Variants in ZNF622 observed in about 807,000 individuals in gnomAD.
ZNF622 encodes cytoplasmic 60S subunit biogenesis factor ZNF622.
ZNF622 carries 34 observed loss-of-function variants against 49.7 expected under a neutral mutation model. The ratio of observed to expected loss-of-function variants is 0.68; its 90% CI spans 0.52 to 0.91. The LOEUF is 0.91. Ranked by LOEUF, ZNF622 falls within the 40% of genes least tolerant of loss-of-function variation. ZNF622 has a pLI of 0.00. For missense variants in ZNF622, 569 were observed against 616.4 expected, an observed-to-expected ratio of 0.92 and a Z score of 0.81; for synonymous variants, 209 against 228.7, an observed-to-expected ratio of 0.91 and a Z score of 0.78.
intron 5 of ZNF622, among the ~76,000 whole-genome samples, chr5:16,452,017 T>C (rs1200330497): frequency 1.3e-5 from 2 of 152,178 alleles, no homozygotes; most frequent in African/African-American, 4.8e-5. Flanking sequence ...TTAGTAGCTT[T>C]AGTTTTCATC....
In ZNF622 at chr5:16,463,865, G is replaced by A. The variant is rs1738165879; in HGVS notation, c.626-123C>T. The A allele has an allele frequency of 1.0e-6, 1 of 1,000,676 alleles. No homozygotes were observed. Among genetic ancestry groups the A allele is most frequent in the Non-Finnish European group, 1.5e-6 (1 of 676,220 alleles). 62.0% of individuals were successfully genotyped at this position (1,000,676 alleles called of 1,614,324 possible). ...AAACAGCCACACCCCAACTCCCAAG[G>A]ACAACTCCTCTTTCAAGATCTCAAT... On this transcript the variant is annotated intron_variant, in intron 1 of 5. Transcript: ENST00000308683. The surrounding 1 kb of genome is among the most constrained non-coding windows in gnomAD (Gnocchi z 4.2).
chr5:16,465,220 G>C lies in ZNF622; in HGVS notation c.446C>G (p.Pro149Arg). ...ATTCCTGGCCTCCTTTGCAGGCGCTGGGGGCGCCTTCTTGGGAGACATGGA... is the reference window on the plus strand; with the variant it reads ...ATTCCTGGCCTCCTTTGCAGGCGCTCGGGGCGCCTTCTTGGGAGACATGGA... ...QPSMSPKKAP[P>R]APAKEARNVV... The change falls in exon 1 of 6, where the codon CCA becomes CGA. Residue 149 changes from proline to arginine, a missense_variant. Coordinates refer to ENST00000308683, the MANE Select transcript of ZNF622 (RefSeq NM_033414.3). The surrounding 1 kb of genome is among the most constrained non-coding windows in gnomAD (Gnocchi z 6.2). 4 of 1,614,154 alleles carry C rather than the reference G, an allele frequency of 2.5e-6. No homozygotes were observed. The Middle Eastern group carries it at 6.6e-4, about 266-fold the overall frequency.
chr5:16,455,440 C>G (rs1422402646), intron 4 of ZNF622, among the ~76,000 whole-genome samples: 2 of 152,312 alleles, frequency 1.3e-5, no homozygotes, highest in East Asian at 3.9e-4. Flanking sequence ...TCATCATACT[C>G]AAGAGATGAC....
At chr5:16,451,918 C>T in intron 5 of ZNF622, 134 bp from the exon 6 acceptor site, 2 of 1,119,492 alleles carry the variant, frequency 1.8e-6, no homozygotes, top group Non-Finnish European at 2.5e-6. Context: ...GAGTTGCTAA[C>T]TTGGGGTCTC....
chr5:16,455,264 T>C (rs1364433646), intron 4 of ZNF622, among the ~76,000 whole-genome samples: 4 of 152,240 alleles, frequency 2.6e-5, no homozygotes, highest in Admixed American at 6.5e-5. Context: ...AACCAGATAC[T>C]ATAAATATTG....
Position 16,463,284 on chromosome 5 carries a change from T to G in ZNF622, c.887-14A>C, listed in dbSNP as rs1252584719. On this transcript the variant is annotated splice_polypyrimidine_tract_variant and intron_variant, in intron 2 of 5. Transcript: ENST00000308683. This position sits in a 1 kb window ranked among gnomAD's most constrained non-coding sequence, Gnocchi z 4.2. ...CAACTTTCTCTCCTAGAAAAATAAT[T>G]TAAGGAAAAAATATGAAAAAAGCTT... The G allele has an allele frequency of 6.3e-7, 1 of 1,582,014 alleles. No homozygotes were observed. Among genetic ancestry groups the G allele is most frequent in the East Asian group, 2.2e-5 (1 of 44,624 alleles).
chr5:16,462,866 GAACAAA>G (rs2126494813), intron 3 of ZNF622, among the ~76,000 whole-genome samples: 1 of 152,180 alleles, frequency 6.6e-6, no homozygotes, highest in South Asian at 2.1e-4. Flanking sequence ...GTTTTAACCA[GAACAAA>G]AACAAAAACA....
At chr5:16,453,573 A>ATAT (rs1477957834) in intron 4 of ZNF622, among the ~76,000 whole-genome samples, 1 of 46,806 alleles carries the variant, frequency 2.1e-5, no homozygotes, top group African/African-American at 1.0e-4. Flanking sequence ...ATATATATAT[A>ATAT]TATATATATA....
In ZNF622 at chr5:16,465,509, C is replaced by G. The variant is rs754767585; in HGVS notation, c.157G>C (p.Ala53Pro). Residue 53 changes from alanine to proline, a missense_variant, in exon 1 of 6, where the codon GCG becomes CCG. Transcript: ENST00000308683. This position sits in a 1 kb window ranked among gnomAD's most constrained non-coding sequence, Gnocchi z 6.2. Reference sequence around the variant, plus strand: ...TCCTCCTCCGCGACGGCCCGCTGCGCCCGCACTCGCTCCTGGAAGCCCTCG... The same window carrying G: ...TCCTCCTCCGCGACGGCCCGCTGCGGCCGCACTCGCTCCTGGAAGCCCTCG... ...TAEGFQERVRAQRAVAEEESK... is the reference protein window; with the variant it reads ...TAEGFQERVRPQRAVAEEESK... The G allele has an allele frequency of 6.2e-7, 1 of 1,614,156 alleles. No individual in the cohort carries two copies. Among genetic ancestry groups the G allele is most frequent in the Non-Finnish European group, 8.5e-7 (1 of 1,180,022 alleles).
intron 1 of ZNF622, 124 bp downstream of exon 1, chr5:16,464,917 T>C (rs1466490325): frequency 2.0e-5 from 27 of 1,382,176 alleles, no homozygotes; most frequent in Non-Finnish European, 2.5e-5. Context: ...CTAAACCACC[T>C]TCCCTCATCA....
chr5:16,456,270 CCTT>C (rs1473296667), intron 4 of ZNF622, among the ~76,000 whole-genome samples: 1 of 152,112 alleles, frequency 6.6e-6, no homozygotes, highest in Non-Finnish European at 1.5e-5. Context: ...AATGTCCACT[CCTT>C]CTTAACAAAC....
chr5:16,455,989 T>C (rs1395777653), intron 4 of ZNF622, among the ~76,000 whole-genome samples: 3 of 152,242 alleles, frequency 2.0e-5, no homozygotes, highest in Non-Finnish European at 4.4e-5. Flanking sequence ...ACAGGGTGAC[T>C]GCCCAATAAA....
chr5:16,464,843 G>T (rs1738186123), intron 1 of ZNF622, among the ~76,000 whole-genome samples, 198 bp downstream of exon 1: 1 of 152,174 alleles, frequency 6.6e-6, no homozygotes, highest in South Asian at 2.1e-4. Context: ...TTAGGCCTTG[G>T]AGAATGAATT....
In ZNF622 at chr5:16,463,546, G is replaced by T; in HGVS notation, c.822C>A (p.Asp274Glu). 1.2e-6 allele frequency: 2 copies of T among 1,614,150 alleles called. No homozygotes were observed. The highest frequency in any genetic ancestry group is 1.7e-6 in the Non-Finnish European group (2 of 1,180,016). The change falls in exon 2 of 6, where the codon GAC becomes GAA. Residue 274 changes from aspartate to glutamate, a missense_variant. Asp to Glu is a conservative substitution (Grantham distance 45). Coordinates refer to ENST00000308683, the MANE Select transcript of ZNF622 (RefSeq NM_033414.3). The surrounding 1 kb of genome is among the most constrained non-coding windows in gnomAD (Gnocchi z 4.2). ...CTATATCAGGAATAAAGAAACTGTG[G>T]TCTTTGGTCATGTGAGCCACATTCT... ...LMKNVAHMTK[D>E]HSFFIPDIEY...
rs1052749855 is a variant in ZNF622 at position 16,465,024 on chromosome 5, C to T, written c.625+17G>A. On this transcript the variant is annotated intron_variant, in intron 1 of 5. Transcript: ENST00000308683. This position sits in a 1 kb window ranked among gnomAD's most constrained non-coding sequence, Gnocchi z 6.2. ...CCAAGTTCCTCTTTACCCTCCCCGC[C>T]CAGACAGGGCCATCACCGTCTCCAT... is the stretch of plus-strand genomic sequence containing the variant. The T allele has an allele frequency of 2.6e-6, 4 of 1,549,894 alleles. No homozygotes were observed. Among genetic ancestry groups the T allele is most frequent in the Non-Finnish European group, 3.5e-6 (4 of 1,149,676 alleles).
At chr5:16,456,291 C>T (rs911862115) in intron 4 of ZNF622, among the ~76,000 whole-genome samples, 3 of 152,066 alleles carry the variant, frequency 2.0e-5, no homozygotes, top group Non-Finnish European at 4.4e-5. Context: ...AACGGCCTTA[C>T]AATTTCTGAC....
chr5:16,464,148 T>C (rs1579567040), intron 1 of ZNF622, among the ~76,000 whole-genome samples: 1 of 150,374 alleles, frequency 6.7e-6, no homozygotes, highest in East Asian at 1.9e-4. Context: ...TGAACGGCTA[T>C]GGTTTGAATG....
intron 3 of ZNF622, among the ~76,000 whole-genome samples, chr5:16,459,044 G>A (rs1281895346): frequency 6.6e-6 from 1 of 152,176 alleles, no homozygotes; most frequent in African/African-American, 2.4e-5. Flanking sequence ...GAGCTTTCCA[G>A]CACAGAACTT....
intron 4 of ZNF622, among the ~76,000 whole-genome samples, chr5:16,455,730 T>C (rs1316546482): frequency 1.3e-5 from 2 of 152,226 alleles, no homozygotes; most frequent in Admixed American, 6.5e-5. Flanking sequence ...GAATTCAATA[T>C]ACTTATATTC....
Sources: gnomAD v4.1 joint callset for allele counts (sites outside exome capture counted in the v4.1 genomes callset) on GRCh38, gnomAD v4.1.1 for gene constraint, Gnocchi (gnomAD v3.1) non-coding constraint, MANE v1.5 for transcripts, NCBI Gene and HGNC (gene_info 2026-07-23, HGNC 2026-07-21) for gene names.